MTMR8: variants seen among roughly 807,000 people sequenced by gnomAD.
The protein encoded by MTMR8 is myotubularin related protein 8, also known as phosphatidylinositol-3,5-bisphosphate 3-phosphatase MTMR8.
In MTMR8, 65 loss-of-function variants were observed where a neutral mutation model predicts 39.3. The ratio of observed to expected loss-of-function variants is 1.65; its 90% CI spans 1.35 to 2.03. The LOEUF is 2.03. MTMR8 is among the 30% of genes most tolerant of loss of function. The probability of loss-of-function intolerance (pLI) is 0.00; values close to 1 mark genes in which losing one functional copy is unlikely to be tolerated. For missense variants in MTMR8, 777 were observed against 538.9 expected (o/e 1.44, Z -4.37); for synonymous variants, 245 against 185.2 (o/e 1.32, Z -2.62).
chrX:64,314,653 C>T (rs921988538), intron 12 of MTMR8, among the ~76,000 whole-genome samples: 1 of 112,790 alleles, frequency 8.9e-6, no homozygotes, highest in Non-Finnish European at 1.9e-5. Flanking sequence ...AGCAGTGGCA[C>T]AGCATGGTTC....
intron 6 of MTMR8, among the ~76,000 whole-genome samples, chrX:64,347,428 G>A (rs887099089): frequency 4.5e-5 from 5 of 112,043 alleles, no homozygotes; most frequent in African/African-American, 1.3e-4. Flanking sequence ...AAGACAGCAA[G>A]CTTCTGAGAA....
intron 12 of MTMR8, among the ~76,000 whole-genome samples, chrX:64,312,971 G>T (rs1017562836): frequency 8.9e-6 from 1 of 112,073 alleles, no homozygotes; most frequent in Non-Finnish European, 1.9e-5. Flanking sequence ...AGGCTTTTTT[G>T]TTCTATTTAT....
intron 2 of MTMR8, among the ~76,000 whole-genome samples, chrX:64,358,729 G>C (rs1449879289): frequency 8.1e-5 from 9 of 110,752 alleles, no homozygotes; most frequent in Non-Finnish European, 1.7e-4. Context: ...ATTAAGTTAA[G>C]ATTAAATTAT....
At chrX:64,344,896 T>A (rs1292943282) in intron 7 of MTMR8, 149 bp downstream of exon 7, 2 of 515,941 alleles carry the variant, frequency 3.9e-6, no homozygotes, top group Non-Finnish European at 6.1e-6. Context: ...CTATTTAAGC[T>A]AGATTTGTAC....
At chrX:64,278,632 C>T (rs1931936070) in intron 12 of MTMR8, among the ~76,000 whole-genome samples, 1 of 108,147 alleles carries the variant, frequency 9.2e-6, no homozygotes, top group African/African-American at 3.4e-5. Flanking sequence ...CGCCACCATG[C>T]TCAACTAATT....
At chrX:64,318,134 C>A (rs1011731356) in intron 12 of MTMR8, among the ~76,000 whole-genome samples, 3 of 112,214 alleles carry the variant, frequency 2.7e-5, no homozygotes, top group Non-Finnish European at 5.6e-5. Flanking sequence ...GAAGTCCAGA[C>A]TTTCCATATG....
rs1474885706 is a variant in MTMR8 at position 64,297,902 on chromosome X, C to T, written c.1482-26829G>A. The stretch of plus-strand genomic sequence containing the variant: ...AGATCAGATAGTTGTAGGTAGGCGG[C>T]GTTATTTCTGAGGGCTCTGTTCTGT... On this transcript the variant is annotated intron_variant, in intron 12 of 13. Coordinates refer to ENST00000374852, the MANE Select transcript of MTMR8 (RefSeq NM_017677.4). Among the ~76,000 whole-genome samples the T allele has an allele frequency of 1.2e-4, 12 of 102,001 alleles. No homozygotes were observed. In the East Asian group the frequency reaches 1.6e-3, roughly 13 times the overall value. 88.6% of individuals were successfully genotyped at this position (102,001 alleles called of 115,157 possible).
intron 10 of MTMR8, among the ~76,000 whole-genome samples, chrX:64,334,913 A>T (rs186495493): frequency 1.8e-5 from 2 of 111,802 alleles, no homozygotes; most frequent in Admixed American, 1.9e-4. Context: ...CACCGTCATC[A>T]CTGATTTTTC....
chrX:64,278,644 T>C (rs1229750853), intron 12 of MTMR8, among the ~76,000 whole-genome samples: 6 of 108,265 alleles, frequency 5.5e-5, no homozygotes, highest in African/African-American at 2.0e-4. Context: ...CAACTAATTT[T>C]TTGTATTTTA....
chrX:64,358,612 A>G (rs1923689564), intron 2 of MTMR8, among the ~76,000 whole-genome samples: 1 of 111,376 alleles, frequency 9.0e-6, no homozygotes, highest in Non-Finnish European at 1.9e-5. Flanking sequence ...TGGGATTTCA[A>G]CCTGAGCAGA....
At chrX:64,362,359 CA>C (rs774792451) in intron 1 of MTMR8, among the ~76,000 whole-genome samples, 32 of 101,976 alleles carry the variant, frequency 3.1e-4, no homozygotes, top group Non-Finnish European at 6.1e-4. Context: ...AAATCAACCT[CA>C]AAAAAAAGTA....
chrX:64,271,067 C>A lies in MTMR8; in HGVS notation c.1488G>T (p.Trp496Cys). The change falls in exon 13 of 14, where the codon TGG becomes TGT. Residue 496 changes from tryptophan (W) to cysteine (C), a missense_variant. Trp to Cys is a radical substitution (Grantham distance 215). Transcript: ENST00000374852. Reference protein sequence around the residue: ...PSTVPYNIQFWCGMYNRFDKG... With the variant: ...PSTVPYNIQFCCGMYNRFDKG... The stretch of plus-strand genomic sequence containing the variant: ...TGTCAAAGCGGTTATACATCCCACA[C>A]CAGAACCTCAAATAGACAAAAATGG... 8.4e-7 allele frequency: 1 copy of A among 1,193,145 alleles called. No homozygotes were observed.
intron 12 of MTMR8, 54 bp from the exon 13 acceptor site, chrX:64,271,127 A>T: frequency 9.1e-7 from 1 of 1,097,241 alleles, no homozygotes; most frequent in Non-Finnish European, 1.2e-6. Context: ...GGAGTAATTG[A>T]TTACCAATGT....
At chrX:64,315,487 G>A (rs1428795884) in intron 12 of MTMR8, among the ~76,000 whole-genome samples, 1 of 111,896 alleles carries the variant, frequency 8.9e-6, no homozygotes, top group Non-Finnish European at 1.9e-5. Flanking sequence ...CCACCTGGCT[G>A]TGTCATCAGC....
intron 12 of MTMR8, among the ~76,000 whole-genome samples, chrX:64,278,835 AG>A (rs1273448638): frequency 9.0e-6 from 1 of 111,219 alleles, no homozygotes; most frequent in Non-Finnish European, 1.9e-5. Context: ...CCTCTGTTGC[AG>A]GTGTGCTGGA....
chrX:64,375,294 G>A (rs1234047104), intron 1 of MTMR8, among the ~76,000 whole-genome samples: 1 of 109,477 alleles, frequency 9.1e-6, no homozygotes, highest in Non-Finnish European at 1.9e-5. Context: ...GGCAGAGACT[G>A]CAGTGAGCTG....
intron 12 of MTMR8, among the ~76,000 whole-genome samples, chrX:64,296,975 T>A (rs1385551054): frequency 1.9e-5 from 2 of 103,089 alleles, no homozygotes; most frequent in African/African-American, 7.1e-5. Flanking sequence ...TAATCCAGTC[T>A]ATCATTGTTG....
intron 12 of MTMR8, among the ~76,000 whole-genome samples, chrX:64,314,139 C>T (rs778699552): frequency 3.2e-4 from 36 of 112,580 alleles, no homozygotes; most frequent in African/African-American, 1.1e-3. Context: ...AAATTATGAA[C>T]CTGCTGTGCT....
chrX:64,394,505 G>A (rs948144815), intron 1 of MTMR8, among the ~76,000 whole-genome samples: 2 of 111,605 alleles, frequency 1.8e-5, no homozygotes, highest in African/African-American at 6.5e-5. Context: ...GACCACGTGT[G>A]TTATGATCAA....
Sources: gnomAD v4.1 joint callset for allele counts (sites outside exome capture counted in the v4.1 genomes callset) on GRCh38, gnomAD v4.1.1 for gene constraint, MANE v1.5 for transcripts, NCBI Gene and HGNC (gene_info 2026-07-23, HGNC 2026-07-21) for gene names.